IQCM: variants seen among roughly 807,000 people sequenced by gnomAD.
The protein encoded by IQCM is IQ motif containing M, also known as IQ domain-containing protein M.
In IQCM, 45 loss-of-function variants were observed where a neutral mutation model predicts 57.6. That is an observed-to-expected ratio of 0.78 (90% confidence interval 0.62 to 1.00). The LOEUF is 1.00. Ranked by LOEUF, IQCM falls within the 50% of genes least tolerant of loss-of-function variation. The probability of loss-of-function intolerance (pLI) is 0.00; values close to 1 mark genes in which losing one functional copy is unlikely to be tolerated. For missense variants in IQCM, 468 were observed against 511.6 expected (o/e 0.91, Z 0.82); for synonymous variants, 148 against 158.9 (o/e 0.93, Z 0.51).
chr4:149,757,741 A>G (rs56326129), intron 2 of IQCM, among the ~76,000 whole-genome samples: 24,080 of 150,230 alleles, frequency 0.16, 2,379 homozygotes, highest in African/African-American at 0.27. Context: ...GATATTATAT[A>G]TGTGTGTGTG....
intron 8 of IQCM, among the ~76,000 whole-genome samples, chr4:149,618,947 A>G (rs1467501089): frequency 6.6e-6 from 1 of 152,072 alleles, no homozygotes; most frequent in African/African-American, 2.4e-5. Context: ...AAATAGAACT[A>G]ACTTCAGTTC....
chr4:149,642,031 C>T (rs1758239153), intron 7 of IQCM, among the ~76,000 whole-genome samples: 2 of 152,002 alleles, frequency 1.3e-5, no homozygotes, highest in African/African-American at 4.8e-5. Context: ...TGTGTATACT[C>T]AAGAAGAAAT....
At chr4:149,689,582 A>C (rs960053655) in intron 5 of IQCM, among the ~76,000 whole-genome samples, 2 of 152,030 alleles carry the variant, frequency 1.3e-5, no homozygotes, top group East Asian at 3.9e-4. Context: ...AATATTTGGG[A>C]CTTAATTAAC....
At chr4:149,692,173 C>T (rs1032570101) in intron 5 of IQCM, among the ~76,000 whole-genome samples, 1 of 152,156 alleles carries the variant, frequency 6.6e-6, no homozygotes, top group East Asian at 1.9e-4. Context: ...TGCCACAGTG[C>T]CCCAGGGAGC....
intron 7 of IQCM, among the ~76,000 whole-genome samples, chr4:149,680,462 T>C (rs1469569431): frequency 6.6e-6 from 1 of 151,404 alleles, no homozygotes; most frequent in African/African-American, 2.4e-5. Flanking sequence ...ATTTCTTTTT[T>C]TCTTTAACAG....
At chr4:149,731,475 C>A (rs1350896509) in intron 5 of IQCM, among the ~76,000 whole-genome samples, 1 of 152,180 alleles carries the variant, frequency 6.6e-6, no homozygotes, top group Non-Finnish European at 1.5e-5. Flanking sequence ...ATAAATTATT[C>A]AGGCATTTTG....
chr4:149,658,133 T>C (rs1759803063), intron 7 of IQCM, among the ~76,000 whole-genome samples: 1 of 152,146 alleles, frequency 6.6e-6, no homozygotes, highest in Non-Finnish European at 1.5e-5. Context: ...AGTACTTTGA[T>C]AGTTTTGGAT....
chr4:149,672,138 G>A (rs372969225), intron 7 of IQCM, among the ~76,000 whole-genome samples: 7 of 152,020 alleles, frequency 4.6e-5, no homozygotes, highest in Admixed American at 6.6e-5. Flanking sequence ...CATCAAAGAC[G>A]AAAGGTAGAT....
Position 149,781,577 on chromosome 4 carries a change from TA to T in IQCM, c.-49+33733del, listed in dbSNP as rs530690035. ...GTATATTGTTATAGTTGTTCTGTCT[TA>T]TTATTAGTTATTGTTAATCTTTTTC... On this transcript the variant is annotated intron_variant, in intron 2 of 13. Transcript: ENST00000636793. Among the ~76,000 whole-genome samples the T allele has an allele frequency of 7.2e-5, 11 of 152,336 alleles. No homozygotes were observed. The East Asian group carries it at 1.9e-3, about 27-fold the overall frequency.
chr4:149,447,362 A>G (rs1450041745), intron 12 of IQCM, among the ~76,000 whole-genome samples: 1 of 151,674 alleles, frequency 6.6e-6, no homozygotes, highest in Non-Finnish European at 1.5e-5. Context: ...CCGATCTTCA[A>G]TTGACACAGA....
intron 13 of IQCM, among the ~76,000 whole-genome samples, chr4:149,391,486 A>G (rs1731853333): frequency 6.6e-6 from 1 of 151,260 alleles, no homozygotes; most frequent in Non-Finnish European, 1.5e-5. Context: ...TATTTATCTC[A>G]TTTACTGTAT....
At position 149,548,506 on chromosome 4, in the gene IQCM, G is replaced by T; in HGVS notation, c.1177C>A (p.His393Asn). ...TCAACTTGTTTCTGAGTTGGGAAATGACCACAGTCACTGAAGAAATTGGGG... is the reference window on the plus strand; with the variant it reads ...TCAACTTGTTTCTGAGTTGGGAAATTACCACAGTCACTGAAGAAATTGGGG... Reference protein sequence around the residue: ...ELPNFFSDCGHFPTQKQVDDT... With the variant: ...ELPNFFSDCGNFPTQKQVDDT... The change falls in exon 12 of 14, where the codon CAT becomes AAT. Residue 393 changes from histidine to asparagine, a missense_variant. Transcript: ENST00000636793. 1.6e-6 allele frequency: 2 copies of T among 1,231,796 alleles called. No individual in the cohort carries two copies. Among genetic ancestry groups the T allele is most frequent in the South Asian group, 8.2e-5 (2 of 24,292 alleles). 76.3% of individuals were successfully genotyped at this position (1,231,796 alleles called of 1,614,324 possible).
chr4:149,689,249 G>A (rs1762771505), intron 5 of IQCM, among the ~76,000 whole-genome samples: 1 of 152,086 alleles, frequency 6.6e-6, no homozygotes, highest in Admixed American at 6.6e-5. Context: ...ATAAGTCCAT[G>A]TCCTTTGTAG....
chr4:149,374,741 C>T (rs1730589589), intron 13 of IQCM, among the ~76,000 whole-genome samples: 2 of 152,068 alleles, frequency 1.3e-5, no homozygotes, highest in Non-Finnish European at 2.9e-5. Context: ...ACCTAGCTCC[C>T]AACTCCTGCC....
At chr4:149,485,357 G>C (rs1322677548) in intron 12 of IQCM, among the ~76,000 whole-genome samples, 3 of 151,598 alleles carry the variant, frequency 2.0e-5, no homozygotes, top group Non-Finnish European at 4.4e-5. Context: ...TTGTCCTTTT[G>C]AGGCTATTTT....
intron 13 of IQCM, chr4:149,429,915 G>A (rs4510455): frequency 0.98 from 989,269 of 1,004,372 alleles, 487,224 homozygotes; most frequent in East Asian, 1. Flanking sequence ...AAATAACAAC[G>A]TAATGCCACT....
intron 7 of IQCM, among the ~76,000 whole-genome samples, chr4:149,641,223 G>T (rs1758162461): frequency 6.6e-6 from 1 of 151,948 alleles, no homozygotes; most frequent in Non-Finnish European, 1.5e-5. Context: ...ATAACAAAAA[G>T]GTAAAACAAT....
chr4:149,445,862 A>G (rs1403962202), intron 12 of IQCM, among the ~76,000 whole-genome samples: 1 of 151,830 alleles, frequency 6.6e-6, no homozygotes, highest in Non-Finnish European at 1.5e-5. Flanking sequence ...TGAGAAATAC[A>G]GCTGCCCATT....
intron 7 of IQCM, among the ~76,000 whole-genome samples, chr4:149,669,428 C>A (rs1279862479): frequency 6.6e-6 from 1 of 152,140 alleles, no homozygotes; most frequent in African/African-American, 2.4e-5. Flanking sequence ...CTGTAGGTTG[C>A]CTTTTCACTC....
Sources: gnomAD v4.1 joint callset for allele counts (sites outside exome capture counted in the v4.1 genomes callset) on GRCh38, gnomAD v4.1.1 for gene constraint, MANE v1.5 for transcripts, NCBI Gene and HGNC (gene_info 2026-07-23, HGNC 2026-07-21) for gene names.